ANKRD24: variants seen among roughly 807,000 people sequenced by gnomAD.
ANKRD24 encodes the protein ankyrin repeat domain-containing protein 24.
ANKRD24 carries 109 observed loss-of-function variants against 127.8 expected under a neutral mutation model. The observed-to-expected ratio is 0.85, with a 90% CI of 0.73 to 1.00. The LOEUF (loss-of-function observed/expected upper bound fraction) is 1.00. Among genes scored for constraint, ANKRD24 ranks in the 50% least tolerant of loss-of-function variants. The pLI, the probability that ANKRD24 is intolerant of heterozygous loss-of-function variation, is 0.00. For synonymous variants in ANKRD24, 743 were observed against 671.1 expected (o/e 1.11, Z -1.66); for missense variants, 1,648 against 1,570.2 (o/e 1.05, Z -0.84).
Position 4,195,084 on chromosome 19 carries a change from G to GTTTGT in ANKRD24, c.37-4596_37-4595insGTTTT. ...TTTTTGTTTGTTTGTTTGTTTGTTT[G>GTTTGT]TTTTTAGAGAGGGAGTCTCACTCTG... On this transcript the variant is annotated intron_variant, in intron 2 of 21. Coordinates refer to ENST00000318934, the MANE Select transcript of ANKRD24 (RefSeq NM_001393985.1). This position sits in a 1 kb window ranked among gnomAD's most constrained non-coding sequence, Gnocchi z 4.2. 6.6e-6 allele frequency among the ~76,000 whole-genome samples: 1 copy of GTTTGT among 151,888 alleles called. No homozygotes were observed. Among genetic ancestry groups the GTTTGT allele is most frequent in the East Asian group, 1.9e-4 (1 of 5,162 alleles).
In ANKRD24 at chr19:4,214,608, CT is replaced by C. The variant is rs141265532; in HGVS notation, c.1198-1367del. Reference sequence around the variant, plus strand: ...GTGGCTCACGCCTGTAATCTCAGCACTTTGGGAGCCTGAGGCGAGTGGATCA... The same window carrying C: ...GTGGCTCACGCCTGTAATCTCAGCACTTGGGAGCCTGAGGCGAGTGGATCA... On this transcript the variant is annotated intron_variant, in intron 15 of 21. Coordinates refer to ENST00000318934, the MANE Select transcript of ANKRD24 (RefSeq NM_001393985.1). Among the ~76,000 whole-genome samples, 747 of 152,254 alleles carry C rather than the reference CT, an allele frequency of 4.9e-3. 7 individuals carry two copies. The highest frequency in any genetic ancestry group is 0.015 in the African/African-American group (619 of 41,534).
In ANKRD24 at chr19:4,217,421, G is replaced by A; in HGVS notation, c.2261G>A (p.Cys754Tyr). ...AAELEAALGK[C>Y]EAAEAEAGRL... ...GAGCTGGAGGCGGCCCTGGGGAAGT[G>A]CGAGGCCGCGGAGGCCGAGGCAGGC... Residue 754 changes from cysteine to tyrosine, a missense_variant, in exon 18 of 22, where the codon TGC becomes TAC. Physicochemically the swap from Cys to Tyr is radical, Grantham distance 194. Coordinates refer to ENST00000318934, the MANE Select transcript of ANKRD24 (RefSeq NM_001393985.1). 6.5e-7 allele frequency: 1 copy of A among 1,546,382 alleles called. No homozygotes were observed. Among genetic ancestry groups the A allele is most frequent in the Non-Finnish European group, 8.7e-7 (1 of 1,145,506 alleles).
chr19:4,219,717 G>A lies in ANKRD24; in HGVS notation c.3130G>A (p.Ala1044Thr). ...AERARQAQSRAQEALDKAKEK... is the reference protein window; with the variant it reads ...AERARQAQSRTQEALDKAKEK... Reference sequence around the variant, plus strand: ...AAGGGCTCGCCAGGCCCAGAGCCGGGCCCAGGAGGCTCTGGACAAGGCCAA... The same window carrying A: ...AAGGGCTCGCCAGGCCCAGAGCCGGACCCAGGAGGCTCTGGACAAGGCCAA... The change falls in exon 19 of 22, where the codon GCC (alanine) becomes ACC (threonine). Residue 1044 changes from alanine to threonine, a missense_variant. Coordinates refer to ENST00000318934, the MANE Select transcript of ANKRD24 (RefSeq NM_001393985.1). 1 of 1,613,206 alleles carries A rather than the reference G, an allele frequency of 6.2e-7. No homozygotes were observed. The highest frequency in any genetic ancestry group is 1.1e-5 in the South Asian group (1 of 91,010).
chr19:4,215,753 T>A (rs1361602819), intron 15 of ANKRD24, among the ~76,000 whole-genome samples: 3 of 141,910 alleles, frequency 2.1e-5, no homozygotes, highest in Non-Finnish European at 4.5e-5. Flanking sequence ...CCAGCCTGGG[T>A]GACAGAGTAA....
intron 7 of ANKRD24, among the ~76,000 whole-genome samples, chr19:4,205,708 C>T (rs1340768472): frequency 6.6e-6 from 1 of 152,004 alleles, no homozygotes; most frequent in Admixed American, 6.6e-5. Context: ...ATTAGCCAGG[C>T]GTGATGGCTC....
intron 18 of ANKRD24, among the ~76,000 whole-genome samples, chr19:4,218,402 T>C (rs1006071126): frequency 1.3e-5 from 2 of 151,866 alleles, no homozygotes; most frequent in Admixed American, 1.3e-4. Flanking sequence ...CCGGTTCAAG[T>C]GATTCTCCTG....
intron 7 of ANKRD24, among the ~76,000 whole-genome samples, chr19:4,205,674 C>G (rs1406465348): frequency 2.6e-5 from 4 of 151,850 alleles, no homozygotes; most frequent in African/African-American, 9.7e-5. Context: ...ATGGCAAAAC[C>G]CCATCTCTAC....
rs750102714 is a variant in ANKRD24 at position 4,210,101 on chromosome 19, G to A, written c.914G>A (p.Arg305Gln). Reference protein sequence around the residue: ...SHGKQGAPKKRKAPPPPASIP... With the variant: ...SHGKQGAPKKQKAPPPPASIP... Reference sequence around the variant, plus strand: ...GGAAAGCAGGGGGCCCCCAAGAAGCGGAAGGCGCCTCCACCTCCCGCCAGC... The same window carrying A: ...GGAAAGCAGGGGGCCCCCAAGAAGCAGAAGGCGCCTCCACCTCCCGCCAGC... Residue 305 changes from arginine to glutamine, a missense_variant, in exon 12 of 22, where the codon CGG (arginine) becomes CAG (glutamine). Arg to Gln is a conservative substitution (Grantham distance 43, BLOSUM62 1). Transcript: ENST00000318934. 5.6e-6 allele frequency: 9 copies of A among 1,612,260 alleles called. No individual in the cohort carries two copies. The highest frequency in any genetic ancestry group is 5.3e-5 in the African/African-American group (4 of 74,862).
At chr19:4,218,251 C>T in intron 18 of ANKRD24, 88 bp downstream of exon 18, 1 of 1,226,454 alleles carries the variant, frequency 8.2e-7, no homozygotes, top group Non-Finnish European at 1.1e-6. Context: ...GTGTTTTGAA[C>T]CCATCAGTTT....
chr19:4,186,537 C>T, intron 2 of ANKRD24, 76 bp downstream of exon 2: 1 of 1,499,834 alleles, frequency 6.7e-7, no homozygotes, highest in Non-Finnish European at 9.1e-7. Flanking sequence ...GGCTGAAGAT[C>T]CACCCTTTCA....
At position 4,215,993 on chromosome 19, in the gene ANKRD24, A is replaced by G; in HGVS notation, c.1213A>G (p.Thr405Ala). ...LSLLENEREN[T>A]SYDVTTLQDE... is the part of the protein sequence containing the mutation. ...CTCCCCCCAGAACGAGCGGGAGAAT[A>G]CTAGCTATGACGTAACCACCCTGCA... The change falls in exon 16 of 22, where the codon ACT becomes GCT. Residue 405 changes from threonine to alanine, a missense_variant. By Grantham distance (58) the Thr-to-Ala change is moderately conservative. Transcript: ENST00000318934. 1.3e-6 allele frequency: 2 copies of G among 1,597,060 alleles called. No homozygotes were observed. Among genetic ancestry groups the G allele is most frequent in the Non-Finnish European group, 1.7e-6 (2 of 1,172,748 alleles).
intron 1 of ANKRD24, among the ~76,000 whole-genome samples, chr19:4,184,887 A>G (rs773283536): frequency 1.4e-5 from 2 of 139,606 alleles, no homozygotes; most frequent in Non-Finnish European, 3.1e-5. Flanking sequence ...TGATTGGGCA[A>G]ATGGATGGAG....
At chr19:4,218,242 T>G in intron 18 of ANKRD24, 79 bp downstream of exon 18, 1 of 1,273,198 alleles carries the variant, frequency 7.9e-7, no homozygotes, top group Non-Finnish European at 1.0e-6. Flanking sequence ...AGCCTTGAGG[T>G]GTTTTGAACC....
intron 2 of ANKRD24, among the ~76,000 whole-genome samples, chr19:4,188,490 C>T (rs1968195613): frequency 6.7e-6 from 1 of 150,126 alleles, no homozygotes; most frequent in South Asian, 2.1e-4. Flanking sequence ...CTCAAACGAT[C>T]CTCCTGCCTC....
At chr19:4,183,518 C>G (rs1967861669) in intron 1 of ANKRD24, 1 of 229,374 alleles carries the variant, frequency 4.4e-6, no homozygotes, top group Admixed American at 6.5e-5. Flanking sequence ...ATGGGTGATG[C>G]AGAGGGCACA....
intron 11 of ANKRD24, among the ~76,000 whole-genome samples, chr19:4,209,417 GTTTTTT>G (rs368782082): frequency 2.1e-5 from 3 of 142,940 alleles, no homozygotes; most frequent in African/African-American, 7.6e-5. Flanking sequence ...CCCTCTCCTA[GTTTTTT>G]TTTTTTGTTG....
intron 19 of ANKRD24, 137 bp downstream of exon 19, chr19:4,219,895 G>A (rs994963663): frequency 1.8e-5 from 19 of 1,059,062 alleles, no homozygotes; most frequent in South Asian, 4.2e-5. Context: ...GCTCAGAAAC[G>A]GAAGGGGACC....
rs142019505 is a variant in ANKRD24, at chr19:4,214,277, C to G, written c.1197+1579C>G. ...GACTTTCCCGGCCTCAAGCAATCCTCTCACCTCAGCCTCCCGAGTAGCTGG... is the reference window on the plus strand; with the variant it reads ...GACTTTCCCGGCCTCAAGCAATCCTGTCACCTCAGCCTCCCGAGTAGCTGG... On this transcript the variant is annotated intron_variant, in intron 15 of 21. Coordinates refer to ENST00000318934, the MANE Select transcript of ANKRD24 (RefSeq NM_001393985.1). Among the ~76,000 whole-genome samples, 806 of 152,064 alleles carry G rather than the reference C, an allele frequency of 5.3e-3. 10 individuals carry two copies. Among genetic ancestry groups the G allele is most frequent in the African/African-American group, 0.018 (751 of 41,448 alleles).
chr19:4,193,717 A>G (rs1426174316), intron 2 of ANKRD24, among the ~76,000 whole-genome samples: 1 of 151,702 alleles, frequency 6.6e-6, no homozygotes, highest in Admixed American at 6.6e-5. Flanking sequence ...GGTGCGTGTA[A>G]TCCCAGATAC....
Sources: allele counts gnomAD v4.1 joint callset (sites outside exome capture counted in the v4.1 genomes callset), GRCh38; gene constraint gnomAD v4.1.1; non-coding constraint Gnocchi (gnomAD v3.1); transcripts MANE v1.5; gene names NCBI Gene and HGNC (gene_info 2026-07-23, HGNC 2026-07-21).